The following LMF1 variants were observed in gnomAD, a reference collection of about 807,000 sequenced individuals.
LMF1 encodes the protein lipase maturation factor 1, also known as transmembrane protein 112.
Under a neutral mutation model 60.6 loss-of-function variants are expected in LMF1, and 68 were observed. The ratio of observed to expected loss-of-function variants is 1.12; its 90% confidence interval spans 0.92 to 1.37. LMF1 has a LOEUF of 1.37. Ranked by LOEUF, LMF1 falls within the 40% of genes most tolerant of loss-of-function variation. The pLI, the probability that LMF1 is intolerant of heterozygous loss-of-function variation, is 0.00. For synonymous variants in LMF1, 418 were observed against 324.7 expected (o/e 1.29, Z -3.09); for missense variants, 948 against 767.2 (o/e 1.24, Z -2.78).
At chr16:946,253 C>G (rs2072235453) in intron 2 of LMF1, among the ~76,000 whole-genome samples, 2 of 152,362 alleles carry the variant, frequency 1.3e-5, no homozygotes, top group South Asian at 4.1e-4. Context: ...GCCGCAGCAG[C>G]CACGAAGGGG....
chr16:877,621 G>A (rs1389042061), intron 6 of LMF1, among the ~76,000 whole-genome samples: 1 of 152,214 alleles, frequency 6.6e-6, no homozygotes, highest in Non-Finnish European at 1.5e-5. Flanking sequence ...CCACAAAGGA[G>A]AAGTGAATAA....
chr16:855,135 G>C (rs1567127962), intron 10 of LMF1: 1 of 282,590 alleles, frequency 3.5e-6, no homozygotes, highest in South Asian at 3.8e-5. Context: ...TCCACCATCA[G>C]GCCAGTCCTG....
At chr16:928,607 AG>A (rs935469694) in intron 3 of LMF1, among the ~76,000 whole-genome samples, 5 of 152,086 alleles carry the variant, frequency 3.3e-5, no homozygotes, top group Admixed American at 2.6e-4. Context: ...CTGAGGGAGC[AG>A]GGGGGCAAAG....
At chr16:975,577 T>C (rs1232132337), upstream of LMF1, among the ~76,000 whole-genome samples, 3 of 152,254 alleles carry the variant, frequency 2.0e-5, no homozygotes, top group African/African-American at 7.2e-5. Context: ...GAGCTGGGCC[T>C]GTGCCCTCTG....
At chr16:911,279 C>T (rs1036052156) in intron 3 of LMF1, among the ~76,000 whole-genome samples, 200 bp from the exon 4 acceptor site, 1 of 152,128 alleles carries the variant, frequency 6.6e-6, no homozygotes, top group Non-Finnish European at 1.5e-5. Flanking sequence ...TGGCGTGGGA[C>T]CCAGGGCCTA....
chr16:979,703 G>A (rs1355177261), intron 1 of LMF1: 2 of 454,042 alleles, frequency 4.4e-6, no homozygotes, highest in East Asian at 6.9e-5. Flanking sequence ...TTGGCAAAGA[G>A]AGCTCTCCAC....
At chr16:868,100 G>T (rs955031768) in intron 10 of LMF1, among the ~76,000 whole-genome samples, 2 of 152,146 alleles carry the variant, frequency 1.3e-5, no homozygotes, top group Non-Finnish European at 2.9e-5. Flanking sequence ...CCAGGGGGCT[G>T]CTCAATCCCA....
intron 4 of LMF1, among the ~76,000 whole-genome samples, chr16:905,996 A>G (rs2070964228): frequency 6.6e-6 from 1 of 152,130 alleles, no homozygotes; most frequent in Non-Finnish European, 1.5e-5. Context: ...GTTACCTTCA[A>G]GAAGTGTTAA....
rs1200380095 is a variant in LMF1 at position 962,334 on chromosome 16, A to G, written c.194-7668T>C. The stretch of plus-strand genomic sequence containing the variant: ...GTGACAAAATCAGTGACCACAAACA[A>G]GTAAGTAACAAGATCTTCCTCACAG... On this transcript the variant is annotated intron_variant, in intron 1 of 10. Transcript: ENST00000262301. The surrounding 1 kb of genome is among the most constrained non-coding windows in gnomAD (Gnocchi z 4.5). Among the ~76,000 whole-genome samples the G allele has an allele frequency of 1.3e-5, 2 of 152,278 alleles. No homozygotes were observed. Among genetic ancestry groups the G allele is most frequent in the African/African-American group, 4.8e-5 (2 of 41,472 alleles).
chr16:950,042 C>T (rs2072399467), intron 2 of LMF1, among the ~76,000 whole-genome samples: 2 of 115,480 alleles, frequency 1.7e-5, no homozygotes, highest in African/African-American at 4.2e-5. Flanking sequence ...ACGACAGAGT[C>T]AGAGCCAACG....
chr16:931,567 G>C, intron 3 of LMF1: 1 of 1,212,206 alleles, frequency 8.2e-7, no homozygotes, highest in Non-Finnish European at 1.1e-6. Context: ...CCTCCCCAGA[G>C]GTCTCAGATC....
At chr16:941,780 C>T (rs765329988) in intron 2 of LMF1, among the ~76,000 whole-genome samples, 21 of 152,200 alleles carry the variant, frequency 1.4e-4, no homozygotes, top group Non-Finnish European at 1.3e-4. Context: ...CACCTACTCA[C>T]AACAGACCTG....
intron 3 of LMF1, among the ~76,000 whole-genome samples, chr16:927,088 C>G (rs538630106): frequency 1.3e-5 from 2 of 152,162 alleles, no homozygotes; most frequent in Non-Finnish European, 2.9e-5. Context: ...GAGATGGAGC[C>G]GAGTCTGAGG....
chr16:895,293 G>T (rs1488967958), intron 4 of LMF1, among the ~76,000 whole-genome samples: 2 of 152,210 alleles, frequency 1.3e-5, no homozygotes, highest in Admixed American at 1.3e-4. Context: ...CGGGCTCCCA[G>T]TAGAATCCTC....
chr16:913,375 C>T (rs926399967), intron 3 of LMF1, among the ~76,000 whole-genome samples: 5 of 152,278 alleles, frequency 3.3e-5, no homozygotes, highest in Non-Finnish European at 5.9e-5. Context: ...ACAGCGTTGG[C>T]CCAATCAGCG....
chr16:965,315 G>C (rs904650471), intron 1 of LMF1, among the ~76,000 whole-genome samples: 4 of 152,228 alleles, frequency 2.6e-5, no homozygotes, highest in African/African-American at 9.6e-5. Context: ...TTGGAACCCA[G>C]CTGGGGCATG....
intron 6 of LMF1, among the ~76,000 whole-genome samples, chr16:876,859 G>A (rs1444991689): frequency 6.6e-6 from 1 of 152,046 alleles, no homozygotes; most frequent in African/African-American, 2.4e-5. Flanking sequence ...TTAGAGGAGG[G>A]AAAATAACAG....
intron 10 of LMF1, chr16:855,709 C>T: frequency 2.2e-6 from 1 of 456,014 alleles, no homozygotes; most frequent in Non-Finnish European, 4.4e-6. Flanking sequence ...TGTGATGGTG[C>T]AGCCATAACA....
At chr16:888,849 G>A (rs1056864055) in intron 5 of LMF1, among the ~76,000 whole-genome samples, 1 of 152,188 alleles carries the variant, frequency 6.6e-6, no homozygotes. Context: ...TGCACAGGTG[G>A]GCAGCAGGGC....
Sources: gnomAD v4.1 joint callset for allele counts (sites outside exome capture counted in the v4.1 genomes callset) on GRCh38, gnomAD v4.1.1 for gene constraint, Gnocchi (gnomAD v3.1) non-coding constraint, MANE v1.5 for transcripts, NCBI Gene and HGNC (gene_info 2026-07-23, HGNC 2026-07-21) for gene names.